The following CFAP77 variants were observed in gnomAD, a reference collection of about 807,000 sequenced individuals.
The protein encoded by CFAP77 is cilia and flagella associated protein 77.
A neutral mutation model predicts 31.1 loss-of-function variants in CFAP77; 25 were observed. That is an observed-to-expected ratio of 0.80 (90% CI 0.59 to 1.12). The LOEUF (loss-of-function observed/expected upper bound fraction) is 1.12. Ranked by LOEUF, CFAP77 falls within the 50% of genes most tolerant of loss-of-function variation. CFAP77 has a pLI of 0.00. For synonymous variants in CFAP77, 151 were observed against 159.9 expected, an observed-to-expected ratio of 0.94 and a Z score of 0.42; for missense variants, 377 against 397.3, an observed-to-expected ratio of 0.95 and a Z score of 0.44.
intron 5 of CFAP77, among the ~76,000 whole-genome samples, chr9:132,553,949 G>A (rs990230887): frequency 9.2e-5 from 14 of 152,238 alleles, no homozygotes; most frequent in African/African-American, 3.4e-4. Context: ...TCGGATTCGT[G>A]TATACTAATA....
intron 1 of CFAP77, among the ~76,000 whole-genome samples, chr9:132,426,273 A>G (rs767150120): frequency 2.0e-5 from 3 of 152,224 alleles, no homozygotes; most frequent in Non-Finnish European, 2.9e-5. Flanking sequence ...AAATGAAACT[A>G]TCTTTCAACA....
Position 132,442,978 on chromosome 9 carries a change from C to G in CFAP77, c.195+32512C>G, listed in dbSNP as rs376300686. ...CTTCCAGTAATCACTTTCCATTCCC[C>G]TCTGCCAACCCCTGCTAACCACTAA... On this transcript the variant is annotated intron_variant, in intron 1 of 5. Transcript: ENST00000393216. Among the ~76,000 whole-genome samples, 86 of 152,230 alleles carry G rather than the reference C, an allele frequency of 5.6e-4. 3 individuals are homozygous for G. In the South Asian group the frequency reaches 0.017, roughly 31 times the overall value.
chr9:132,549,711 A>G (rs1377796353), intron 5 of CFAP77, among the ~76,000 whole-genome samples: 7 of 152,086 alleles, frequency 4.6e-5, no homozygotes, highest in African/African-American at 1.7e-4. Context: ...GATGGCAGGC[A>G]CCTGTAATCA....
intron 1 of CFAP77, among the ~76,000 whole-genome samples, chr9:132,496,468 G>A (rs1488471052): frequency 2.0e-5 from 3 of 152,094 alleles, no homozygotes; most frequent in African/African-American, 7.2e-5. Context: ...CCCAAAGAAC[G>A]CCCCTTAGCC....
intron 1 of CFAP77, among the ~76,000 whole-genome samples, chr9:132,454,652 T>C (rs1170607078): frequency 6.6e-6 from 1 of 152,226 alleles, no homozygotes; most frequent in Non-Finnish European, 1.5e-5. Context: ...TGAATCCTTT[T>C]CTAGAAGTGA....
intron 3 of CFAP77, among the ~76,000 whole-genome samples, chr9:132,522,811 A>ACC (rs1304228058): frequency 6.6e-6 from 1 of 152,106 alleles, no homozygotes; most frequent in Non-Finnish European, 1.5e-5. Context: ...TTCTGATCTG[A>ACC]TGTTCGGTGT....
chr9:132,530,678 A>G (rs1344179612), intron 3 of CFAP77, among the ~76,000 whole-genome samples: 2 of 152,142 alleles, frequency 1.3e-5, no homozygotes, highest in Middle Eastern at 3.2e-3. Flanking sequence ...GTCCTTTGCC[A>G]GATACATGGT....
chr9:132,567,959 C>G (rs541211758), intron 5 of CFAP77, among the ~76,000 whole-genome samples: 2 of 152,166 alleles, frequency 1.3e-5, no homozygotes, highest in East Asian at 1.9e-4. Flanking sequence ...CTGCAAAGAC[C>G]CTGTTTCCAA....
At chr9:132,513,485 C>T in intron 3 of CFAP77, 1 of 1,109,696 alleles carries the variant, frequency 9.0e-7, no homozygotes. Context: ...TTGGAGCACG[C>T]ATGCTTTCCA....
In CFAP77 at chr9:132,552,954, C is replaced by T. The variant is rs1202772482; in HGVS notation, c.732+9907C>T. Among the ~76,000 whole-genome samples, 2 of 152,180 alleles carry T rather than the reference C, an allele frequency of 1.3e-5. No individual in the cohort carries two copies. The highest frequency in any genetic ancestry group is 2.9e-5 in the Non-Finnish European group (2 of 68,040). ...AGACCGCCTCTGTCTGTTAAACAGC[C>T]CTAAGGCTTATGAACTTCTGTCTTA... On this transcript the variant is annotated intron_variant, in intron 5 of 5. Coordinates refer to ENST00000393216, the MANE Select transcript of CFAP77 (RefSeq NM_001282957.2). This position sits in a 1 kb window ranked among gnomAD's most constrained non-coding sequence, Gnocchi z 5.5.
At chr9:132,425,543 G>A (rs144873932) in intron 1 of CFAP77, among the ~76,000 whole-genome samples, 33 of 152,252 alleles carry the variant, frequency 2.2e-4, no homozygotes, top group African/African-American at 7.7e-4. Flanking sequence ...ATGCCTTTGG[G>A]GACGTGAAGG....
rs1431662689 is a variant in CFAP77, at chr9:132,481,077, A to C, written c.196-17618A>C. On this transcript the variant is annotated intron_variant, in intron 1 of 5. Transcript: ENST00000393216. This position sits in a 1 kb window ranked among gnomAD's most constrained non-coding sequence, Gnocchi z 5.0. ...CTTTAAAATATCTCCAACAAGCAGAATTTTAGCCATTTAGAGCCCACCTGC... is the reference window on the plus strand; with the variant it reads ...CTTTAAAATATCTCCAACAAGCAGACTTTTAGCCATTTAGAGCCCACCTGC... Among the ~76,000 whole-genome samples the C allele has an allele frequency of 6.6e-6, 1 of 152,188 alleles. No homozygotes were observed. The highest frequency in any genetic ancestry group is 1.5e-5 in the Non-Finnish European group (1 of 68,044).
rs375760423 is a variant in CFAP77, at chr9:132,413,641, C to T, written c.195+3175C>T. 3.3e-5 allele frequency among the ~76,000 whole-genome samples: 5 copies of T among 152,312 alleles called. No individual in the cohort carries two copies. In the South Asian group the frequency reaches 8.3e-4, roughly 25 times the overall value. ...TTCAAGACTCCTTCACAAAACCTGT[C>T]AGGGTTGCACCTTTCCTGCCATCGG... On this transcript the variant is annotated intron_variant, in intron 1 of 5. Coordinates refer to ENST00000393216, the MANE Select transcript of CFAP77 (RefSeq NM_001282957.2).
At position 132,481,447 on chromosome 9, in the gene CFAP77, C is replaced by A. The variant is rs559627188; in HGVS notation, c.196-17248C>A. On this transcript the variant is annotated intron_variant, in intron 1 of 5. Transcript: ENST00000393216. This position sits in a 1 kb window ranked among gnomAD's most constrained non-coding sequence, Gnocchi z 5.0. ...AATCCTCGAACTCACTCCTTACACT[C>A]CTCCCTCCCCAGCAAGATTTCATCC... Among the ~76,000 whole-genome samples, 73 of 152,338 alleles carry A rather than the reference C, an allele frequency of 4.8e-4. 2 individuals carry two copies. The South Asian group carries it at 0.015, about 31-fold the overall frequency.
intron 1 of CFAP77, among the ~76,000 whole-genome samples, chr9:132,456,059 G>A (rs1013524196): frequency 3.3e-5 from 5 of 152,144 alleles, no homozygotes; most frequent in African/African-American, 1.2e-4. Context: ...CCTGGCACTC[G>A]TCCATCCACG....
intron 1 of CFAP77, among the ~76,000 whole-genome samples, chr9:132,462,022 C>T (rs1851059834): frequency 1.3e-5 from 2 of 152,182 alleles, no homozygotes; most frequent in Non-Finnish European, 2.9e-5. Flanking sequence ...TAATATCTAC[C>T]TATTGAACAT....
rs7023572 is a variant in CFAP77, at chr9:132,539,594, A to G, written c.630+1888A>G. Among the ~76,000 whole-genome samples the G allele has an allele frequency of 0.33, 49,897 of 151,950 alleles. 8,293 individuals are homozygous for G. Among genetic ancestry groups the G allele is most frequent in the African/African-American group, 0.37 (15,351 of 41,422 alleles). On this transcript the variant is annotated intron_variant, in intron 4 of 5. Coordinates refer to ENST00000393216, the MANE Select transcript of CFAP77 (RefSeq NM_001282957.2). The surrounding 1 kb of genome is among the most constrained non-coding windows in gnomAD (Gnocchi z 4.3). ...CGCCTATGATGTTCTAGGGCCAACC[A>G]GGGGATCGGAGGAGTCTTTCTCGAA...
intron 1 of CFAP77, among the ~76,000 whole-genome samples, chr9:132,445,884 AGAAAG>A (rs1200923169): frequency 3.5e-4 from 53 of 150,864 alleles, no homozygotes; most frequent in African/African-American, 1.3e-3. Flanking sequence ...AAAAAAAAAA[AGAAAG>A]AAAGAAAAAG....
At position 132,482,416 on chromosome 9, in the gene CFAP77, A is replaced by G. The variant is rs760941465; in HGVS notation, c.196-16279A>G. Reference sequence around the variant, plus strand: ...GGACACCACATCAAAGGAGGCCCACAGGTGTTTCTTCCTTCTGCTAAAATA... The same window carrying G: ...GGACACCACATCAAAGGAGGCCCACGGGTGTTTCTTCCTTCTGCTAAAATA... On this transcript the variant is annotated intron_variant, in intron 1 of 5. Coordinates refer to ENST00000393216, the MANE Select transcript of CFAP77 (RefSeq NM_001282957.2). 18 of 1,610,876 alleles carry G rather than the reference A, an allele frequency of 1.1e-5. No individual in the cohort carries two copies. The highest frequency in any genetic ancestry group is 1.7e-5 in the Admixed American group (1 of 59,960).
Sources: gnomAD v4.1 joint callset for allele counts (sites outside exome capture counted in the v4.1 genomes callset) on GRCh38, gnomAD v4.1.1 for gene constraint, Gnocchi (gnomAD v3.1) non-coding constraint, MANE v1.5 for transcripts, NCBI Gene and HGNC (gene_info 2026-07-23, HGNC 2026-07-21) for gene names.